The following SMC2 variants were observed in gnomAD, a reference collection of about 807,000 sequenced individuals.
SMC2 encodes the protein structural maintenance of chromosomes 2.
In SMC2, 41 loss-of-function variants were observed where a neutral mutation model predicts 142.6. The ratio of observed to expected loss-of-function variants is 0.29; its 90% CI spans 0.22 to 0.37. SMC2 has a LOEUF of 0.37. SMC2 is among the 10% of genes least tolerant of loss of function. SMC2 has a pLI of 1.00. For missense variants in SMC2, 1,265 were observed against 1,373.7 expected, an observed-to-expected ratio of 0.92 and a Z score of 1.25; for synonymous variants, 463 against 457.5, an observed-to-expected ratio of 1.01 and a Z score of -0.15.
At position 104,129,597 on chromosome 9, in the gene SMC2, G is replaced by A. The variant is rs772195492; in HGVS notation, c.2791-48G>A. Reference sequence around the variant, plus strand: ...GTTAAGAAACTGGCTTATACATATTGGTTTGTAAACATTCATAGATCTCCC... The same window carrying A: ...GTTAAGAAACTGGCTTATACATATTAGTTTGTAAACATTCATAGATCTCCC... On this transcript the variant is annotated intron_variant, in intron 20 of 24. Coordinates refer to ENST00000374793, the MANE Select transcript of SMC2 (RefSeq NM_006444.3). 21 of 1,403,528 alleles carry A rather than the reference G, an allele frequency of 1.5e-5. 1 individual carries two copies. In the South Asian group the frequency reaches 2.2e-4, roughly 15 times the overall value. The allele number at this position is 1,403,528 out of a possible 1,614,324, so 86.9% of individuals were successfully genotyped here.
At position 104,119,776 on chromosome 9, in the gene SMC2, G is replaced by C. The variant is rs560763740; in HGVS notation, c.1997-251G>C. 2.0e-5 allele frequency among the ~76,000 whole-genome samples: 3 copies of C among 152,218 alleles called. No homozygotes were observed. In the South Asian group the frequency reaches 6.2e-4, roughly 32 times the overall value. ...CACGTAGGCAAGTCCAGTGTCAGAC[G>C]ATGGAAGATGGGCCCAGTAGACAAG... On this transcript the variant is annotated intron_variant, in intron 15 of 24. Coordinates refer to ENST00000374793, the MANE Select transcript of SMC2 (RefSeq NM_006444.3).
At chr9:104,091,713 C>G (rs949856140), upstream of SMC2, among the ~76,000 whole-genome samples, 2 of 152,102 alleles carry the variant, frequency 1.3e-5, no homozygotes, top group Non-Finnish European at 2.9e-5. Context: ...AGGATTCACT[C>G]GGGTCCCTGT....
At position 104,116,171 on chromosome 9, in the gene SMC2, C is replaced by G. The variant is rs138776295; in HGVS notation, c.1672-29C>G. ...TCAATTTTCTGTCATTTTTAACATG[C>G]GTTTTTTAAATTCAAATGTGTGTTG... On this transcript the variant is annotated intron_variant, in intron 13 of 24. Transcript: ENST00000374793. The G allele has an allele frequency of 2.6e-6, 4 of 1,547,676 alleles. No homozygotes were observed. In the African/African-American group the frequency reaches 4.2e-5, roughly 16 times the overall value.
At chr9:104,091,283 A>G (rs1366991648), upstream of SMC2, among the ~76,000 whole-genome samples, 1 of 152,246 alleles carries the variant, frequency 6.6e-6, no homozygotes, top group East Asian at 1.9e-4. Flanking sequence ...ACAAACTTTT[A>G]TAGCATATTA....
Position 104,126,800 on chromosome 9 carries a change from C to A in SMC2, c.2595+16C>A. On this transcript the variant is annotated intron_variant, in intron 19 of 24. Transcript: ENST00000374793. ...TAAAAATAAGGTAGGATTTATTTAT[C>A]AAATTCGAGAAATTGAAAATGCGAA... 6.3e-7 allele frequency: 1 copy of A among 1,578,538 alleles called. No individual in the cohort carries two copies. Among genetic ancestry groups the A allele is most frequent in the South Asian group, 1.2e-5 (1 of 86,932 alleles).
chr9:104,121,596 C>T (rs553778191), intron 16 of SMC2, among the ~76,000 whole-genome samples: 1 of 151,844 alleles, frequency 6.6e-6, no homozygotes, highest in African/African-American at 2.4e-5. Flanking sequence ...ATTCAGAATT[C>T]ACAATACTGA....
intron 23 of SMC2, among the ~76,000 whole-genome samples, chr9:104,135,417 GAAAT>G (rs1356970665): frequency 6.6e-6 from 1 of 151,802 alleles, no homozygotes; most frequent in East Asian, 1.9e-4. Context: ...GCTACATTGA[GAAAT>G]AAAAAACTGG....
At chr9:104,117,051 A>C (rs1433119784) in intron 14 of SMC2, among the ~76,000 whole-genome samples, 1 of 152,198 alleles carries the variant, frequency 6.6e-6, no homozygotes, top group African/African-American at 2.4e-5. Flanking sequence ...ATCCTTAGTT[A>C]CATTCAGAAG....
intron 7 of SMC2, among the ~76,000 whole-genome samples, chr9:104,101,559 T>C (rs912523073): frequency 5.3e-5 from 8 of 152,202 alleles, no homozygotes; most frequent in Admixed American, 3.9e-4. Context: ...TAGGTCCTTA[T>C]GGGAGTCGTG....
chr9:104,116,427 A>AAAAT, intron 14 of SMC2, 108 bp downstream of exon 14: 2 of 1,042,350 alleles, frequency 1.9e-6, no homozygotes, highest in South Asian at 3.4e-5. Context: ...CCACAAAATT[A>AAAAT]AAATACAAAA....
intron 16 of SMC2, among the ~76,000 whole-genome samples, chr9:104,122,231 TTGC>T (rs1413493752): frequency 6.6e-6 from 1 of 152,150 alleles, no homozygotes; most frequent in East Asian, 1.9e-4. Context: ...ATTGAATTCT[TTGC>T]TATTTGTGAC....
intron 9 of SMC2, among the ~76,000 whole-genome samples, chr9:104,104,551 G>C (rs1831532168): frequency 7.3e-6 from 1 of 136,236 alleles, no homozygotes; most frequent in Admixed American, 6.8e-5. Context: ...GGAGCAGATA[G>C]AACAGTCCTG....
chr9:104,103,304 T>C (rs1189290240), intron 9 of SMC2, among the ~76,000 whole-genome samples: 1 of 152,102 alleles, frequency 6.6e-6, no homozygotes, highest in Non-Finnish European at 1.5e-5. Flanking sequence ...GTTCATACTC[T>C]CACAGAATGA....
chr9:104,105,415 A>G (rs1831643729), intron 9 of SMC2, among the ~76,000 whole-genome samples: 1 of 152,102 alleles, frequency 6.6e-6, no homozygotes, highest in African/African-American at 2.4e-5. Context: ...CCTTGGATGC[A>G]CATAGCACCC....
At chr9:104,131,648 C>A (rs1439366849) in intron 21 of SMC2, among the ~76,000 whole-genome samples, 3 of 127,266 alleles carry the variant, frequency 2.4e-5, no homozygotes, top group African/African-American at 3.1e-5. Flanking sequence ...TTATATGTAA[C>A]ACTTTTTTTT....
At chr9:104,139,087 C>A in intron 24 of SMC2, 52 bp from the exon 25 acceptor site, 1 of 1,292,374 alleles carries the variant, frequency 7.7e-7, no homozygotes. Flanking sequence ...AAGGAGTAAA[C>A]TTCAAGTATA....
intron 15 of SMC2, among the ~76,000 whole-genome samples, chr9:104,119,631 T>C (rs1288847646): frequency 2.0e-5 from 3 of 152,282 alleles, no homozygotes; most frequent in South Asian, 4.1e-4. Context: ...CTTGAACATA[T>C]TTTTCCCATG....
chr9:104,094,625 C>G (rs554021921), intron 1 of SMC2, 148 bp downstream of exon 1: 99 of 381,496 alleles, frequency 2.6e-4, no homozygotes, highest in Non-Finnish European at 4.0e-4. Flanking sequence ...GAAATAAAGG[C>G]TAGCTTCTGT....
intron 3 of SMC2, among the ~76,000 whole-genome samples, chr9:104,097,763 T>C (rs957048130): frequency 2.6e-5 from 4 of 152,192 alleles, no homozygotes; most frequent in Non-Finnish European, 1.5e-5. Flanking sequence ...GGAAAAGAAA[T>C]GAACTAACAT....
Sources: allele counts gnomAD v4.1 joint callset (sites outside exome capture counted in the v4.1 genomes callset), GRCh38; gene constraint gnomAD v4.1.1; transcripts MANE v1.5; gene names NCBI Gene and HGNC (gene_info 2026-07-23, HGNC 2026-07-21).